KDM4A: variants seen among roughly 807,000 people sequenced by gnomAD.
KDM4A encodes the protein lysine demethylase 4A, also known as lysine-specific demethylase 4A.
Under a neutral mutation model 127.1 loss-of-function variants are expected in KDM4A, and 23 were observed. The observed-to-expected ratio is 0.18, with a 90% confidence interval of 0.13 to 0.26. The LOEUF is 0.26. KDM4A is among the 10% of genes least tolerant of loss of function. The pLI, the probability that KDM4A is intolerant of heterozygous loss-of-function variation, is 1.00. For missense variants in KDM4A, 890 were observed against 1,329.1 expected, an observed-to-expected ratio of 0.67 and a Z score of 5.14; for synonymous variants, 443 against 466.5, an observed-to-expected ratio of 0.95 and a Z score of 0.65.
At chr1:43,654,277 A>T (rs2154046252) in intron 2 of KDM4A, among the ~76,000 whole-genome samples, 1 of 152,378 alleles carries the variant, frequency 6.6e-6, no homozygotes, top group South Asian at 2.1e-4. Context: ...CAGATAAAGA[A>T]AAGGCTGATC....
Position 43,688,891 on chromosome 1 carries a change from C to T in KDM4A, c.1856-23C>T, listed in dbSNP as rs370820515. On this transcript the variant is annotated intron_variant, in intron 12 of 21. Coordinates refer to ENST00000372396, the MANE Select transcript of KDM4A (RefSeq NM_014663.3). The surrounding 1 kb of genome is among the most constrained non-coding windows in gnomAD (Gnocchi z 4.4). The stretch of plus-strand genomic sequence containing the variant: ...CAGATGTGCAGGGTTAGTGCTGACT[C>T]ACACTTCTGTTTCCTCCTCTAGAGA... The T allele has an allele frequency of 6.2e-7, 1 of 1,609,872 alleles. No homozygotes were observed. Among genetic ancestry groups the T allele is most frequent in the Non-Finnish European group, 8.5e-7 (1 of 1,177,114 alleles).
In KDM4A at chr1:43,694,825, G is replaced by C. The variant is rs774124041; in HGVS notation, c.2601G>C (p.Met867Ile). The change falls in exon 18 of 22, where the codon ATG (methionine) becomes ATC (isoleucine). Residue 867 changes from methionine to isoleucine, a missense_variant. Coordinates refer to ENST00000372396, the MANE Select transcript of KDM4A (RefSeq NM_014663.3). The surrounding 1 kb of genome is among the most constrained non-coding windows in gnomAD (Gnocchi z 5.2). ...HVSCAQAAGV[M>I]MQPDDWPFVV... ...GCTGCGCCCAGGCTGCCGGTGTGATGATGCAGCCTGACGACTGGCCTTTTG... is the reference window on the plus strand; with the variant it reads ...GCTGCGCCCAGGCTGCCGGTGTGATCATGCAGCCTGACGACTGGCCTTTTG... 1 of 1,613,838 alleles carries C rather than the reference G, an allele frequency of 6.2e-7. No individual in the cohort carries two copies. The highest frequency in any genetic ancestry group is 1.3e-5 in the African/African-American group (1 of 74,926).
intron 4 of KDM4A, among the ~76,000 whole-genome samples, chr1:43,660,947 A>T (rs1023715657): frequency 2.6e-5 from 4 of 151,884 alleles, no homozygotes; most frequent in Non-Finnish European, 5.9e-5. Context: ...GCATTCAGGG[A>T]TTATCACTCA....
At chr1:43,681,885 C>T (rs1322711376) in intron 11 of KDM4A, among the ~76,000 whole-genome samples, 1 of 149,334 alleles carries the variant, frequency 6.7e-6, no homozygotes, top group Non-Finnish European at 1.5e-5. Context: ...GGGGTACATG[C>T]TCCTAAATTT....
At chr1:43,695,275 G>C (rs1661216057) in intron 18 of KDM4A, among the ~76,000 whole-genome samples, 1 of 152,228 alleles carries the variant, frequency 6.6e-6, no homozygotes, top group Non-Finnish European at 1.5e-5. Flanking sequence ...AGTTAACCAT[G>C]AATTGCCAGA....
rs944048051 is a variant in KDM4A at position 43,692,460 on chromosome 1, T to C, written c.2375+149T>C. 4.2e-5 allele frequency: 29 copies of C among 684,426 alleles called. No individual in the cohort carries two copies. In the African/African-American group the frequency reaches 4.5e-4, roughly 11 times the overall value. The allele number at this position is 684,426 out of a possible 1,614,324, so 42.4% of individuals were successfully genotyped here. A position where few individuals can be genotyped will look rare whatever the true frequency, so the allele number is the denominator to read the frequency against. On this transcript the variant is annotated intron_variant, in intron 16 of 21. Coordinates refer to ENST00000372396, the MANE Select transcript of KDM4A (RefSeq NM_014663.3). ...GCAGGAATAGCATCTCCAAGACTCA[T>C]TTTAAAAATGGAATGCTAAGGGAGC...
chr1:43,692,965 C>T (rs1661153466), intron 16 of KDM4A, among the ~76,000 whole-genome samples: 2 of 152,166 alleles, frequency 1.3e-5, no homozygotes, highest in South Asian at 4.1e-4. Context: ...CAGGTCAGTG[C>T]TGAGTATCCT....
chr1:43,660,531 A>G (rs550084095), intron 4 of KDM4A, 119 bp downstream of exon 4: 27 of 1,391,180 alleles, frequency 1.9e-5, no homozygotes, highest in Non-Finnish European at 1.3e-5. Flanking sequence ...TGAACAGATG[A>G]TCTACCCCCA....
chr1:43,668,050 G>C, intron 9 of KDM4A, 31 bp downstream of exon 9: 2 of 1,611,590 alleles, frequency 1.2e-6, no homozygotes, highest in Non-Finnish European at 1.7e-6. Flanking sequence ...TCCTGGCTGC[G>C]TGAGGGAGGG....
intron 18 of KDM4A, 30 bp from the exon 19 acceptor site, chr1:43,697,813 T>G (rs144207070): frequency 6.2e-7 from 1 of 1,602,774 alleles, no homozygotes; most frequent in Non-Finnish European, 8.5e-7. Flanking sequence ...ACTCCACGTG[T>G]GAGTAACCAA....
Position 43,671,674 on chromosome 1 carries a change from C to T in KDM4A, c.1533C>T (p.Ser511=). 1 of 1,613,132 alleles carries T rather than the reference C, an allele frequency of 6.2e-7. No individual in the cohort carries two copies. The highest frequency in any genetic ancestry group is 8.5e-7 in the Non-Finnish European group (1 of 1,179,576). ...GCTCCAAAAAGAAATCATCTTCTAGCCTGGGCTCTGGCTCTTCACGGGATT... is the reference window on the plus strand; with the variant it reads ...GCTCCAAAAAGAAATCATCTTCTAGTCTGGGCTCTGGCTCTTCACGGGATT... ...FSGSKKKSSS[S]LGSGSSRDSI... The change falls in exon 11 of 22, where the codon AGC becomes AGT. Residue 511 remains serine (S), a synonymous_variant. Coordinates refer to ENST00000372396, the MANE Select transcript of KDM4A (RefSeq NM_014663.3).
chr1:43,668,211 C>T (rs1418358272), intron 9 of KDM4A, among the ~76,000 whole-genome samples, 192 bp downstream of exon 9: 5 of 152,044 alleles, frequency 3.3e-5, no homozygotes, highest in Non-Finnish European at 7.4e-5. Context: ...CTGCAAGCCC[C>T]GCCTCCCGGG....
chr1:43,657,126 G>A (rs553433220), intron 3 of KDM4A, among the ~76,000 whole-genome samples: 2 of 152,032 alleles, frequency 1.3e-5, no homozygotes, highest in South Asian at 2.1e-4. Context: ...GGGCTCAAGC[G>A]ATCCTCCTGC....
At chr1:43,669,361 C>A in intron 10 of KDM4A, 62 bp downstream of exon 10, 1 of 1,488,622 alleles carries the variant, frequency 6.7e-7, no homozygotes, top group Non-Finnish European at 9.4e-7. Flanking sequence ...GTGTTAGATG[C>A]CATATTGAGT....
rs1254701139 is a variant in KDM4A, at chr1:43,694,120, C to G, written c.2484+18C>G. On this transcript the variant is annotated intron_variant, in intron 17 of 21. Transcript: ENST00000372396. The surrounding 1 kb of genome is among the most constrained non-coding windows in gnomAD (Gnocchi z 5.2). The stretch of plus-strand genomic sequence containing the variant: ...TCAAACTGGTAAGGGCTTGTAGACT[C>G]TACATAATTTCCCGACTTACAAGTT... 1.3e-6 allele frequency: 2 copies of G among 1,585,986 alleles called. No homozygotes were observed. Among genetic ancestry groups the G allele is most frequent in the Non-Finnish European group, 1.7e-6 (2 of 1,155,020 alleles).
At chr1:43,680,224 G>T (rs1287749430) in intron 11 of KDM4A, among the ~76,000 whole-genome samples, 1 of 152,130 alleles carries the variant, frequency 6.6e-6, no homozygotes, top group Non-Finnish European at 1.5e-5. Flanking sequence ...TAGTGGAAAG[G>T]GCTCAGACTT....
chr1:43,669,233 G>A lies in KDM4A; in HGVS notation c.1297G>A (p.Ala433Thr). The change falls in exon 10 of 22, where the codon GCC becomes ACC. Residue 433 changes from alanine (A) to threonine (T), a missense_variant. Physicochemically the swap from Ala to Thr is moderately conservative, Grantham distance 58. Around this residue, in one of 7 missense-constraint regions of KDM4A, gnomAD observed 389 missense variants for 485.9 expected, o/e 0.80. Coordinates refer to ENST00000372396, the MANE Select transcript of KDM4A (RefSeq NM_014663.3). Reference sequence around the variant, plus strand: ...GTATGAGATGACGGAGTGCCCGGCAGCCCTCGCCCCTGTGAGGCCCACCCA... The same window carrying A: ...GTATGAGATGACGGAGTGCCCGGCAACCCTCGCCCCTGTGAGGCCCACCCA... ...EQYEMTECPA[A>T]LAPVRPTHSS... 1.2e-6 allele frequency: 2 copies of A among 1,614,224 alleles called. No individual in the cohort carries two copies. Among genetic ancestry groups the A allele is most frequent in the South Asian group, 2.2e-5 (2 of 91,086 alleles).
intron 11 of KDM4A, among the ~76,000 whole-genome samples, chr1:43,681,383 T>C (rs558846369): frequency 2.2e-4 from 33 of 152,326 alleles, no homozygotes; most frequent in Admixed American, 1.6e-3. Flanking sequence ...TCTCCCACCA[T>C]TGTAATTCTG....
At chr1:43,674,211 G>A (rs551918472) in intron 11 of KDM4A, among the ~76,000 whole-genome samples, 17 of 152,272 alleles carry the variant, frequency 1.1e-4, no homozygotes, top group African/African-American at 4.1e-4. Context: ...CCAAAGTGCC[G>A]TGATTTCAGG....
Sources: gnomAD v4.1 joint callset for allele counts (sites outside exome capture counted in the v4.1 genomes callset) on GRCh38, gnomAD v4.1.1 for gene constraint, gnomAD v4.1.1 regional missense constraint, Gnocchi (gnomAD v3.1) non-coding constraint, MANE v1.5 for transcripts, NCBI Gene and HGNC (gene_info 2026-07-23, HGNC 2026-07-21) for gene names.